SEMA6D: variants seen among roughly 807,000 people sequenced by gnomAD.
SEMA6D encodes the protein semaphorin 6D.
Under a neutral mutation model 106.6 loss-of-function variants are expected in SEMA6D, and 35 were observed. The ratio of observed to expected loss-of-function variants is 0.33; its 90% CI spans 0.25 to 0.44. The LOEUF is 0.44. Ranked by LOEUF, SEMA6D falls within the 20% of genes least tolerant of loss-of-function variation. The pLI, the probability that SEMA6D is intolerant of heterozygous loss-of-function variation, is 1.00. For synonymous variants in SEMA6D, 499 were observed against 487.7 expected (o/e 1.02, Z -0.31); for missense variants, 1,185 against 1,345.9 (o/e 0.88, Z 1.87).
intron 2 of SEMA6D, among the ~76,000 whole-genome samples, chr15:47,440,398 A>G (rs1421172871): frequency 6.6e-6 from 1 of 152,074 alleles, no homozygotes; most frequent in Non-Finnish European, 1.5e-5. Flanking sequence ...GTTATTGGCA[A>G]GAAATCTGTG....
chr15:47,472,057 C>A (rs537648825), intron 3 of SEMA6D, among the ~76,000 whole-genome samples: 2 of 151,858 alleles, frequency 1.3e-5, no homozygotes, highest in South Asian at 4.2e-4. Context: ...AATACTTTAT[C>A]CTTGGAAAGC....
intron 3 of SEMA6D, among the ~76,000 whole-genome samples, chr15:47,581,981 A>G (rs1485228474): frequency 6.6e-6 from 1 of 152,174 alleles, no homozygotes; most frequent in Non-Finnish European, 1.5e-5. Context: ...CGATTGGGAA[A>G]TTTTCCCAGA....
chr15:47,456,115 A>G lies in SEMA6D; in HGVS notation c.-158-14359A>G, dbSNP rs111588789. Among the ~76,000 whole-genome samples the G allele has an allele frequency of 5.1e-3, 776 of 151,998 alleles. 10 individuals carry two copies. The highest frequency in any genetic ancestry group is 0.017 in the African/African-American group (694 of 41,512). Reference sequence around the variant, plus strand: ...TATTGTTCTTTAGGAGCTTACTGACAATTAGGATATAGAACCAGCAGGAAG... The same window carrying G: ...TATTGTTCTTTAGGAGCTTACTGACGATTAGGATATAGAACCAGCAGGAAG... On this transcript the variant is annotated intron_variant, in intron 2 of 19. Coordinates refer to the SEMA6D transcript ENST00000558014.
chr15:47,263,100 G>T (rs765569546), intron 1 of SEMA6D, among the ~76,000 whole-genome samples: 1 of 152,110 alleles, frequency 6.6e-6, no homozygotes, highest in Non-Finnish European at 1.5e-5. Flanking sequence ...AACCCTGGAA[G>T]ATAACCTAGG....
chr15:47,351,620 A>G (rs563683634), intron 1 of SEMA6D, among the ~76,000 whole-genome samples: 3 of 152,208 alleles, frequency 2.0e-5, no homozygotes, highest in African/African-American at 7.2e-5. Context: ...CTGTCCCTCA[A>G]ACCTGCACCT....
chr15:47,543,162 T>C (rs2045409203), intron 3 of SEMA6D, among the ~76,000 whole-genome samples: 1 of 152,096 alleles, frequency 6.6e-6, no homozygotes, highest in African/African-American at 2.4e-5. Flanking sequence ...ACAAAAATGG[T>C]TTTCGAATAA....
chr15:47,603,525 G>C (rs759063841), intron 4 of SEMA6D: 1 of 152,064 alleles, frequency 6.6e-6, no homozygotes, highest in African/African-American at 2.4e-5. Flanking sequence ...TCAACAAGTC[G>C]CCAAAGCTAG....
At chr15:47,194,964 G>C (rs1234114093) in intron 1 of SEMA6D, among the ~76,000 whole-genome samples, 2 of 152,126 alleles carry the variant, frequency 1.3e-5, no homozygotes, top group Non-Finnish European at 2.9e-5. Flanking sequence ...GGATCAACCG[G>C]TGTCAGCACT....
intron 4 of SEMA6D, among the ~76,000 whole-genome samples, chr15:47,687,000 A>G (rs1443707341): frequency 6.8e-6 from 1 of 147,246 alleles, no homozygotes; most frequent in Non-Finnish European, 1.5e-5. Context: ...CAGGATTTTG[A>G]GGCTGTAGGG....
chr15:47,424,717 G>C (rs2041276768), intron 2 of SEMA6D, among the ~76,000 whole-genome samples: 1 of 152,110 alleles, frequency 6.6e-6, no homozygotes, highest in South Asian at 2.1e-4. Flanking sequence ...TATGAATTGT[G>C]GGGGCAAAGG....
intron 1 of SEMA6D, among the ~76,000 whole-genome samples, chr15:47,410,258 C>T (rs2040744481): frequency 6.6e-6 from 1 of 152,094 alleles, no homozygotes; most frequent in Non-Finnish European, 1.5e-5. Flanking sequence ...GCTAGGATTA[C>T]AGGCAGGAGC....
chr15:47,703,730 A>G (rs758596492), intron 4 of SEMA6D, among the ~76,000 whole-genome samples: 1 of 152,224 alleles, frequency 6.6e-6, no homozygotes, highest in Non-Finnish European at 1.5e-5. Flanking sequence ...GGAAATAAAA[A>G]GTATGGTTAG....
chr15:47,348,234 T>G (rs991948923), intron 1 of SEMA6D, among the ~76,000 whole-genome samples: 7 of 152,156 alleles, frequency 4.6e-5, no homozygotes, highest in Non-Finnish European at 7.3e-5. Flanking sequence ...CCAGAATGCT[T>G]GGGTTTAAAT....
intron 1 of SEMA6D, among the ~76,000 whole-genome samples, chr15:47,373,897 T>C (rs1391395190): frequency 1.3e-5 from 2 of 152,136 alleles, no homozygotes; most frequent in East Asian, 3.9e-4. Flanking sequence ...AAGTAATTGG[T>C]TTCTCTCATT....
chr15:47,604,256 C>T (rs1321135942), intron 4 of SEMA6D: 1 of 152,204 alleles, frequency 6.6e-6, no homozygotes, highest in African/African-American at 2.4e-5. Context: ...ATTTCTTTCA[C>T]ATCCAAGTTT....
intron 4 of SEMA6D, among the ~76,000 whole-genome samples, chr15:47,667,188 A>T (rs2078044905): frequency 6.6e-6 from 1 of 152,192 alleles, no homozygotes; most frequent in South Asian, 2.1e-4. Context: ...GCATAAGAAA[A>T]CAGTTATTTT....
intron 3 of SEMA6D, among the ~76,000 whole-genome samples, chr15:47,475,352 A>T (rs931338012): frequency 6.6e-6 from 1 of 152,240 alleles, no homozygotes; most frequent in African/African-American, 2.4e-5. Flanking sequence ...AATAAGGCCT[A>T]GAATAGCTAA....
Position 47,224,546 on chromosome 15 carries a change from A to G in SEMA6D, c.-239+40128A>G, listed in dbSNP as rs753439519. 5.7e-4 allele frequency among the ~76,000 whole-genome samples: 87 copies of G among 152,116 alleles called. 2 individuals carry two copies. The highest frequency in any genetic ancestry group is 1.1e-3 in the Non-Finnish European group (72 of 68,008). ...GACTGTGAAAATGACGTTTTATCTC[A>G]GATCTCTTTAACTTCCAAACCCTAG... On this transcript the variant is annotated intron_variant, in intron 1 of 19. Transcript: ENST00000558014.
At chr15:47,401,433 T>C (rs1212440064) in intron 1 of SEMA6D, among the ~76,000 whole-genome samples, 1 of 152,168 alleles carries the variant, frequency 6.6e-6, no homozygotes, top group African/African-American at 2.4e-5. Context: ...AAAGAGCTCT[T>C]TAAAATTATC....
Sources: gnomAD v4.1 joint callset for allele counts (sites outside exome capture counted in the v4.1 genomes callset) on GRCh38, gnomAD v4.1.1 for gene constraint, MANE v1.5 for transcripts, NCBI Gene and HGNC (gene_info 2026-07-23, HGNC 2026-07-21) for gene names.